Variants in EYS observed in about 807,000 individuals in gnomAD.
EYS encodes EGF-like photoreceptor maintenance factor.
Under a neutral mutation model 282.1 loss-of-function variants are expected in EYS, and 250 were observed. The ratio of observed to expected loss-of-function variants is 0.89; its 90% CI spans 0.80 to 0.98. EYS has a LOEUF of 0.98. EYS is among the 50% of genes least tolerant of loss of function. The probability of loss-of-function intolerance (pLI) is 0.00; values close to 1 mark genes in which losing one functional copy is unlikely to be tolerated. For missense variants in EYS, 4,016 were observed against 3,709.0 expected (o/e 1.08, Z -2.15); for synonymous variants, 1,355 against 1,282.9 (o/e 1.06, Z -1.20).
chr6:64,219,428 G>A (rs556233652), intron 31 of EYS, among the ~76,000 whole-genome samples: 20 of 152,308 alleles, frequency 1.3e-4, no homozygotes, highest in Middle Eastern at 3.4e-3. Flanking sequence ...AATCTACCAA[G>A]TCAGGTCATT....
chr6:64,674,329 T>A (rs1386262546), intron 22 of EYS, among the ~76,000 whole-genome samples: 1 of 152,100 alleles, frequency 6.6e-6, no homozygotes, highest in Non-Finnish European at 1.5e-5. Flanking sequence ...CTTTGAGACT[T>A]TATTCACTAA....
At chr6:64,003,319 G>A (rs1409358631) in intron 33 of EYS, among the ~76,000 whole-genome samples, 1 of 152,126 alleles carries the variant, frequency 6.6e-6, no homozygotes, top group Non-Finnish European at 1.5e-5. Context: ...AGGGGTCTGG[G>A]GGGTTGGAAC....
intron 2 of EYS, among the ~76,000 whole-genome samples, chr6:65,603,380 G>C (rs141221977): frequency 2.6e-5 from 4 of 151,938 alleles, no homozygotes; most frequent in African/African-American, 9.7e-5. Flanking sequence ...ATGGTCATTT[G>C]TCAATTGGGA....
At chr6:64,834,790 G>A (rs992846740) in intron 19 of EYS, among the ~76,000 whole-genome samples, 1 of 151,652 alleles carries the variant, frequency 6.6e-6, no homozygotes, top group Non-Finnish European at 1.5e-5. Flanking sequence ...ATAATCACAG[G>A]ACTTTCTATG....
chr6:64,389,881 A>G, intron 28 of EYS, among the ~76,000 whole-genome samples: 1 of 152,024 alleles, frequency 6.6e-6, no homozygotes, highest in Admixed American at 6.6e-5. Flanking sequence ...CTCACTAGGG[A>G]GTGCCAGACA....
chr6:64,171,216 G>A (rs534064062), intron 31 of EYS, among the ~76,000 whole-genome samples: 3 of 152,026 alleles, frequency 2.0e-5, no homozygotes, highest in South Asian at 2.1e-4. Context: ...TGATAATTAC[G>A]GTATCCATCT....
At chr6:65,483,709 A>G (rs1309569321) in intron 5 of EYS, among the ~76,000 whole-genome samples, 5 of 152,140 alleles carry the variant, frequency 3.3e-5, no homozygotes, top group Non-Finnish European at 5.9e-5. Flanking sequence ...GTTCATTTTC[A>G]TGCTGCTGAT....
intron 5 of EYS, among the ~76,000 whole-genome samples, chr6:65,454,784 T>C (rs140095170): frequency 9.9e-5 from 15 of 152,270 alleles, no homozygotes; most frequent in African/African-American, 3.4e-4. Context: ...ATGTGTGTTC[T>C]TCTTACCTTT....
rs1189669259 is a variant in EYS at position 65,495,060 on chromosome 6, A to G, written c.351T>C (p.Asn117=). 1 of 1,614,208 alleles carries G rather than the reference A, an allele frequency of 6.2e-7. No individual in the cohort carries two copies. Among genetic ancestry groups the G allele is most frequent in the South Asian group, 1.1e-5 (1 of 91,088 alleles). Residue 117 remains asparagine, a synonymous_variant, in exon 4 of 43, where the codon AAT becomes AAC. Coordinates refer to ENST00000503581, the MANE Select transcript of EYS (RefSeq NM_001142800.2). ...AAAGTAACTGATCTTCCGTTGTGGTATTTTGCACACAGCCAACGAAAGATG... is the reference window on the plus strand; with the variant it reads ...AAAGTAACTGATCTTCCGTTGTGGTGTTTTGCACACAGCCAACGAAAGATG... ...SETSFVGCVQ[N]TTTEDQLLFG... is the part of the protein sequence containing the mutation.
At chr6:65,420,272 T>C (rs1168938015) in intron 5 of EYS, among the ~76,000 whole-genome samples, 2 of 152,002 alleles carry the variant, frequency 1.3e-5, no homozygotes, top group African/African-American at 4.8e-5. Flanking sequence ...ATTTATGTAA[T>C]ATTCTAAATC....
At chr6:65,383,664 C>T (rs1013042905) in intron 8 of EYS, among the ~76,000 whole-genome samples, 7 of 151,478 alleles carry the variant, frequency 4.6e-5, no homozygotes, top group African/African-American at 1.7e-4. Flanking sequence ...ATCTACCTCC[C>T]TATAGTTTGC....
intron 12 of EYS, among the ~76,000 whole-genome samples, chr6:65,202,392 C>T (rs1765923991): frequency 2.0e-5 from 3 of 152,014 alleles, no homozygotes; most frequent in Non-Finnish European, 4.4e-5. Flanking sequence ...TCTTGTCTAG[C>T]TGTTTGTGAA....
chr6:64,609,429 T>C (rs1259109452), intron 24 of EYS, among the ~76,000 whole-genome samples: 7 of 152,008 alleles, frequency 4.6e-5, no homozygotes, highest in Admixed American at 4.6e-4. Context: ...GAAGGCTAAA[T>C]AGGGGGCTAC....
chr6:64,347,626 A>G (rs1012550096), intron 29 of EYS, among the ~76,000 whole-genome samples: 2 of 151,360 alleles, frequency 1.3e-5, no homozygotes, highest in Non-Finnish European at 3.0e-5. Context: ...GCACTCCAAC[A>G]TGATTTCCAC....
chr6:64,650,480 G>C (rs571011978), intron 22 of EYS, among the ~76,000 whole-genome samples: 2 of 152,046 alleles, frequency 1.3e-5, no homozygotes, highest in South Asian at 4.2e-4. Flanking sequence ...CATGAAAGAT[G>C]AGCTGGTGAA....
intron 42 of EYS, among the ~76,000 whole-genome samples, chr6:63,726,060 C>T (rs1012319554): frequency 9.9e-5 from 15 of 152,014 alleles, no homozygotes; most frequent in African/African-American, 3.4e-4. Context: ...CTTTTAAAAT[C>T]CTAAAATGTT....
At chr6:64,138,792 T>C (rs931194620) in intron 31 of EYS, among the ~76,000 whole-genome samples, 1 of 152,230 alleles carries the variant, frequency 6.6e-6, no homozygotes, top group Admixed American at 6.5e-5. Context: ...AGAGGTTGAC[T>C]GCTTCAAGTT....
intron 14 of EYS, among the ~76,000 whole-genome samples, chr6:64,987,721 A>G (rs1475962909): frequency 1.3e-5 from 2 of 151,582 alleles, no homozygotes; most frequent in Admixed American, 6.6e-5. Flanking sequence ...TATACCTTCT[A>G]TGATATACCA....
In EYS at chr6:65,057,621, T is replaced by C; in HGVS notation, c.2130A>G (p.Pro710=). The C allele has an allele frequency of 6.5e-7, 1 of 1,544,520 alleles. No individual in the cohort carries two copies. The highest frequency in any genetic ancestry group is 8.8e-7 in the Non-Finnish European group (1 of 1,140,606). The change falls in exon 13 of 43, where the codon CCA becomes CCG. Residue 710 remains proline (P), a synonymous_variant. Transcript: ENST00000503581. Reference sequence around the variant, plus strand: ...TCCCTTGGTGTTCATTACCTTTAAATGGAGGCACACACTGGCAGAAGTAAT... The same window carrying C: ...TCCCTTGGTGTTCATTACCTTTAAACGGAGGCACACACTGGCAGAAGTAAT... ...PGNYFCQCVP[P]FKVVDGFSCL...
Sources: allele counts gnomAD v4.1 joint callset (sites outside exome capture counted in the v4.1 genomes callset), GRCh38; gene constraint gnomAD v4.1.1; transcripts MANE v1.5; gene names NCBI Gene and HGNC (gene_info 2026-07-23, HGNC 2026-07-21).